KCNQ3: variants seen among roughly 807,000 people sequenced by gnomAD.
KCNQ3 encodes potassium voltage-gated channel subfamily Q member 3.
KCNQ3 carries 30 observed loss-of-function variants against 92.5 expected under a neutral mutation model. The ratio of observed to expected loss-of-function variants is 0.32; its 90% CI spans 0.24 to 0.44. KCNQ3 has a LOEUF of 0.44. Among genes scored for constraint, KCNQ3 ranks in the 20% least tolerant of loss-of-function variants. KCNQ3 has a pLI of 1.00. For synonymous variants in KCNQ3, 450 were observed against 468.8 expected, an observed-to-expected ratio of 0.96 and a Z score of 0.52; for missense variants, 913 against 1,140.3, an observed-to-expected ratio of 0.80 and a Z score of 2.87.
At chr8:132,266,581 G>A (rs969456586) in intron 1 of KCNQ3, among the ~76,000 whole-genome samples, 10 of 152,292 alleles carry the variant, frequency 6.6e-5, no homozygotes, top group African/African-American at 2.4e-4. Context: ...TTTGGATCCA[G>A]TGCATCAGAC....
At chr8:132,138,058 A>G (rs1029684293) in intron 11 of KCNQ3, 42 bp from the exon 12 acceptor site, 4 of 1,599,084 alleles carry the variant, frequency 2.5e-6, no homozygotes, top group Non-Finnish European at 3.4e-6. Flanking sequence ...CCATGTGGAG[A>G]GTGCGGGGAG....
At chr8:132,287,055 G>A (rs778629555) in intron 1 of KCNQ3, among the ~76,000 whole-genome samples, 2 of 148,952 alleles carry the variant, frequency 1.3e-5, no homozygotes, top group Non-Finnish European at 2.9e-5. Context: ...TCAGTCTCAG[G>A]TACTCTGTTA....
intron 1 of KCNQ3, among the ~76,000 whole-genome samples, chr8:132,347,172 G>A (rs900436607): frequency 6.6e-6 from 1 of 152,184 alleles, no homozygotes; most frequent in Non-Finnish European, 1.5e-5. Flanking sequence ...TCAGAAATAA[G>A]TTATGGTAAA....
At chr8:132,290,421 G>A (rs574227240) in intron 1 of KCNQ3, among the ~76,000 whole-genome samples, 1 of 152,278 alleles carries the variant, frequency 6.6e-6, no homozygotes, top group East Asian at 1.9e-4. Context: ...GGTTTGGAGA[G>A]AGGGTTAGGG....
intron 1 of KCNQ3, among the ~76,000 whole-genome samples, chr8:132,436,934 C>T (rs1296399582): frequency 6.6e-6 from 1 of 152,138 alleles, no homozygotes; most frequent in African/African-American, 2.4e-5. Context: ...ATTTTCAGGA[C>T]AGGCTTTTCA....
Position 132,168,717 on chromosome 8 carries a change from A to ATG in KCNQ3, c.1235+1615_1235+1616dup, listed in dbSNP as rs568659056. On this transcript the variant is annotated intron_variant, in intron 8 of 14. Transcript: ENST00000388996. The stretch of plus-strand genomic sequence containing the variant: ...GAAAGAGAAATTGAGGATAATGAAT[A>ATG]TGTGTGTGTGTGTGTGTGTGTGTGT... 1.4e-3 allele frequency among the ~76,000 whole-genome samples: 153 copies of ATG among 108,512 alleles called. 2 individuals are homozygous for ATG. The highest frequency in any genetic ancestry group is 8.8e-3 in the East Asian group (28 of 3,200). The allele number at this position is 108,512 out of a possible 152,430, so 71.2% of individuals were successfully genotyped here.
rs1379095385 is a variant in KCNQ3, at chr8:132,146,122, C to T, written c.1263-4791G>A. On this transcript the variant is annotated intron_variant, in intron 9 of 14. Coordinates refer to ENST00000388996, the MANE Select transcript of KCNQ3 (RefSeq NM_004519.4). ...GAGTTTCAATTGTATTCTAAGTGTA[C>T]GTGGGGCCCACAAAGATTTTTGAGG... Among the ~76,000 whole-genome samples the T allele has an allele frequency of 2.6e-5, 4 of 152,334 alleles. No homozygotes were observed. The Middle Eastern group carries it at 0.01, about 389-fold the overall frequency.
At chr8:132,141,367 T>C in intron 9 of KCNQ3, 36 bp from the exon 10 acceptor site, 1 of 1,582,208 alleles carries the variant, frequency 6.3e-7, no homozygotes. Flanking sequence ...TTTTCCTCCT[T>C]CAGTGCAGGC....
At chr8:132,173,494 C>T (rs1826449552) in intron 6 of KCNQ3, among the ~76,000 whole-genome samples, 1 of 151,936 alleles carries the variant, frequency 6.6e-6, no homozygotes, top group Admixed American at 6.6e-5. Flanking sequence ...AACCAGTGGA[C>T]TTGGGATTCC....
intron 1 of KCNQ3, among the ~76,000 whole-genome samples, chr8:132,245,185 C>T (rs1217309369): frequency 1.3e-5 from 2 of 152,090 alleles, no homozygotes; most frequent in Non-Finnish European, 2.9e-5. Context: ...ATTTGCAAAA[C>T]GTGAGAAATA....
intron 1 of KCNQ3, among the ~76,000 whole-genome samples, chr8:132,374,474 C>T (rs1048133265): frequency 1.1e-3 from 175 of 152,264 alleles, no homozygotes; most frequent in Middle Eastern, 0.01. Flanking sequence ...CCCAGTACTG[C>T]CCCCCGCTGG....
chr8:132,185,280 A>C (rs978507673), intron 2 of KCNQ3, among the ~76,000 whole-genome samples: 15 of 152,240 alleles, frequency 9.9e-5, no homozygotes, highest in Non-Finnish European at 2.2e-4. Context: ...CTAGGGGGCC[A>C]CACCACTGCC....
intron 1 of KCNQ3, among the ~76,000 whole-genome samples, chr8:132,470,514 G>A (rs139285704): frequency 6.6e-6 from 1 of 152,242 alleles, no homozygotes; most frequent in East Asian, 1.9e-4. Context: ...CCATTTGAAA[G>A]TAAGTTGTAA....
intron 1 of KCNQ3, among the ~76,000 whole-genome samples, chr8:132,371,660 G>A (rs1819476644): frequency 6.6e-6 from 1 of 152,178 alleles, no homozygotes; most frequent in Non-Finnish European, 1.5e-5. Context: ...GGCGATCCTT[G>A]TCTTTGTGCC....
rs191867841 is a variant in KCNQ3 at position 132,191,136 on chromosome 8, G to A, written c.387-4955C>T. 5.3e-5 allele frequency among the ~76,000 whole-genome samples: 8 copies of A among 152,176 alleles called. 1 individual carries two copies. The highest frequency in any genetic ancestry group is 1.7e-4 in the African/African-American group (7 of 41,552). On this transcript the variant is annotated intron_variant, in intron 1 of 14. Transcript: ENST00000388996. ...ATTGTAGATCAAATGAAGACTTTGA[G>A]CTTTATTCTGCAGAAGATTTTTTTT... is the stretch of plus-strand genomic sequence containing the variant.
At chr8:132,342,229 C>T (rs1383457147) in intron 1 of KCNQ3, among the ~76,000 whole-genome samples, 1 of 152,162 alleles carries the variant, frequency 6.6e-6, no homozygotes, top group African/African-American at 2.4e-5. Context: ...CTCTTTCTTT[C>T]ACCATATCTC....
chr8:132,398,969 G>A (rs997718962), intron 1 of KCNQ3, among the ~76,000 whole-genome samples: 36 of 152,272 alleles, frequency 2.4e-4, no homozygotes, highest in African/African-American at 8.7e-4. Flanking sequence ...CAGAGTGAAG[G>A]CACCATGCTT....
At chr8:132,442,990 C>G (rs1004435276) in intron 1 of KCNQ3, among the ~76,000 whole-genome samples, 1 of 152,126 alleles carries the variant, frequency 6.6e-6, no homozygotes, top group African/African-American at 2.4e-5. Context: ...CTCCTGAGGC[C>G]GAAGCAGCTC....
At chr8:132,198,282 C>T (rs957060779) in intron 1 of KCNQ3, among the ~76,000 whole-genome samples, 2 of 152,080 alleles carry the variant, frequency 1.3e-5, no homozygotes, top group African/African-American at 4.8e-5. Flanking sequence ...CTAACTGTAG[C>T]GTTTGTGAGG....
Sources: gnomAD v4.1 joint callset for allele counts (sites outside exome capture counted in the v4.1 genomes callset) on GRCh38, gnomAD v4.1.1 for gene constraint, MANE v1.5 for transcripts, NCBI Gene and HGNC (gene_info 2026-07-23, HGNC 2026-07-21) for gene names.